The following TENM3 variants were observed in gnomAD, a reference collection of about 807,000 sequenced individuals.
TENM3 encodes the protein teneurin transmembrane protein 3, also known as teneurin-3.
A neutral mutation model predicts 255.1 loss-of-function variants in TENM3; 63 were observed. That is an observed-to-expected ratio of 0.25 (90% CI 0.20 to 0.30). The LOEUF is 0.30. TENM3 is among the 10% of genes least tolerant of loss of function. TENM3 has a pLI of 1.00. For missense variants in TENM3, 2,929 were observed against 3,461.1 expected (o/e 0.85, Z 3.86); for synonymous variants, 1,306 against 1,322.3 (o/e 0.99, Z 0.27).
chr4:182,224,659 G>C (rs1410640361), intron 1 of TENM3, among the ~76,000 whole-genome samples: 1 of 151,956 alleles, frequency 6.6e-6, no homozygotes, highest in Non-Finnish European at 1.5e-5. Context: ...AATAGGCCCT[G>C]TCATGCCAAG....
chr4:182,180,305 G>A (rs925735482), intron 1 of TENM3, among the ~76,000 whole-genome samples: 2 of 152,110 alleles, frequency 1.3e-5, no homozygotes, highest in Non-Finnish European at 2.9e-5. Context: ...TATGGAGGAC[G>A]ATAATCTCAC....
intron 1 of TENM3, among the ~76,000 whole-genome samples, chr4:182,319,655 A>G (rs1246884017): frequency 1.3e-5 from 2 of 152,354 alleles, no homozygotes; most frequent in East Asian, 3.9e-4. Context: ...ACTAGGTGTT[A>G]ACATTTAGTT....
At position 182,608,536 on chromosome 4, in the gene TENM3, C is replaced by T. The variant is rs557962945; in HGVS notation, c.749+7375C>T. ...CAGGTGTCAGGAGAGCTCACGTGCG[C>T]TGGGACAGTGAGGAGGGCTGTCTCC... On this transcript the variant is annotated intron_variant, in intron 4 of 27. Coordinates refer to ENST00000511685, the MANE Select transcript of TENM3 (RefSeq NM_001080477.4). Among the ~76,000 whole-genome samples, 120 of 152,346 alleles carry T rather than the reference C, an allele frequency of 7.9e-4. 1 individual carries two copies. The South Asian group carries it at 0.016, about 20-fold the overall frequency.
chr4:182,680,310 C>A lies in TENM3; in HGVS notation c.1600C>A (p.His534Asn). 6.2e-7 allele frequency: 1 copy of A among 1,613,590 alleles called. No homozygotes were observed. The highest frequency in any genetic ancestry group is 1.1e-5 in the South Asian group (1 of 91,020). The change falls in exon 9 of 28, where the codon CAT (histidine) becomes AAT (asparagine). Residue 534 changes from histidine to asparagine, a missense_variant. Transcript: ENST00000511685. ...TGGAGAATGCGTTTCTGGAACTTGC[C>A]ATTGTTTTCCAGGATTTCTGGGTCC... ...GNGECVSGTC[H>N]CFPGFLGPDC...
At chr4:181,681,625 T>G in the TENM3 span, among the ~76,000 whole-genome samples, 1 of 152,112 alleles carries the variant, frequency 6.6e-6, no homozygotes, top group Non-Finnish European at 1.5e-5. Context: ...AAAATATTAC[T>G]TCAACCTGAG....
chr4:182,324,770 G>C (rs905615604), intron 2 of TENM3, among the ~76,000 whole-genome samples: 1 of 152,178 alleles, frequency 6.6e-6, no homozygotes, highest in Non-Finnish European at 1.5e-5. Context: ...GCCACGGAAA[G>C]GTTCCATTGT....
chr4:182,163,575 TAC>T (rs553346229), intron 1 of TENM3, among the ~76,000 whole-genome samples: 20 of 152,230 alleles, frequency 1.3e-4, no homozygotes, highest in Non-Finnish European at 2.2e-4. Context: ...ATAGTGTTTC[TAC>T]ATCTATTTAG....
chr4:182,598,291 A>G (rs1394310700), intron 3 of TENM3, among the ~76,000 whole-genome samples: 1 of 152,198 alleles, frequency 6.6e-6, no homozygotes, highest in Non-Finnish European at 1.5e-5. Flanking sequence ...AGCTTTCATC[A>G]GCTGGATTTG....
At chr4:181,741,024 A>G in the TENM3 span, among the ~76,000 whole-genome samples, 1 of 152,204 alleles carries the variant, frequency 6.6e-6, no homozygotes, top group Non-Finnish European at 1.5e-5. Context: ...TGAGCTGATG[A>G]TCTCGTAAAA....
chr4:182,700,505 A>T (rs549630826), intron 12 of TENM3, among the ~76,000 whole-genome samples: 3 of 152,308 alleles, frequency 2.0e-5, no homozygotes, highest in East Asian at 3.9e-4. Context: ...TTCGCAGATT[A>T]TGGTGTGACT....
At chr4:181,940,878 A>G in the TENM3 span, among the ~76,000 whole-genome samples, 1 of 152,240 alleles carries the variant, frequency 6.6e-6, no homozygotes, top group African/African-American at 2.4e-5. Context: ...AGTTAATGGC[A>G]TCTCAAAACA....
intron 6 of TENM3, among the ~76,000 whole-genome samples, chr4:182,672,421 T>C (rs1467416327): frequency 6.6e-6 from 1 of 152,180 alleles, no homozygotes; most frequent in East Asian, 1.9e-4. Context: ...GCACTTAAGC[T>C]TACCCCTCCT....
chr4:181,677,461 A>G, the TENM3 span, among the ~76,000 whole-genome samples: 8 of 152,268 alleles, frequency 5.3e-5, no homozygotes, highest in East Asian at 3.9e-4. Context: ...CACATTGTCT[A>G]GTCTGCTAAG....
At chr4:182,455,809 G>T (rs900773735) in intron 3 of TENM3, among the ~76,000 whole-genome samples, 1 of 152,024 alleles carries the variant, frequency 6.6e-6, no homozygotes, top group East Asian at 1.9e-4. Flanking sequence ...TGATCCACCC[G>T]CCTCAGCCTC....
chr4:181,691,363 TAC>T, the TENM3 span, among the ~76,000 whole-genome samples: 1 of 151,696 alleles, frequency 6.6e-6, no homozygotes, highest in Non-Finnish European at 1.5e-5. Context: ...ATACTTATTA[TAC>T]ACACACACGA....
chr4:181,513,578 T>C, the TENM3 span, among the ~76,000 whole-genome samples: 1 of 152,152 alleles, frequency 6.6e-6, no homozygotes, highest in Admixed American at 6.5e-5. Context: ...TTATGTTAAG[T>C]CCAGAAAGAC....
chr4:182,345,252 A>G (rs577785592), intron 2 of TENM3, among the ~76,000 whole-genome samples: 6 of 152,346 alleles, frequency 3.9e-5, no homozygotes, highest in Non-Finnish European at 7.3e-5. Flanking sequence ...GGGTGCTAAT[A>G]TCTTTACAAC....
At chr4:181,608,554 A>G in the TENM3 span, among the ~76,000 whole-genome samples, 2 of 151,754 alleles carry the variant, frequency 1.3e-5, no homozygotes, top group Non-Finnish European at 2.9e-5. Context: ...CTTGGATTGG[A>G]CCGGCTAATT....
chr4:182,342,890 C>A (rs1189928459), intron 2 of TENM3, among the ~76,000 whole-genome samples: 1 of 152,174 alleles, frequency 6.6e-6, no homozygotes, highest in African/African-American at 2.4e-5. Context: ...AAAAATCCCT[C>A]ACTGCTCCAA....
Sources: gnomAD v4.1 joint callset for allele counts (sites outside exome capture counted in the v4.1 genomes callset) on GRCh38, gnomAD v4.1.1 for gene constraint, MANE v1.5 for transcripts, NCBI Gene and HGNC (gene_info 2026-07-23, HGNC 2026-07-21) for gene names.